Variants in GNAL observed in about 807,000 individuals in gnomAD.
GNAL encodes the protein G protein subunit alpha L.
In GNAL, 18 loss-of-function variants were observed where a neutral mutation model predicts 55.1. The ratio of observed to expected loss-of-function variants is 0.33; its 90% CI spans 0.23 to 0.48. The LOEUF (loss-of-function observed/expected upper bound fraction) is 0.48. GNAL is among the 20% of genes least tolerant of loss of function. GNAL has a pLI of 0.99. For synonymous variants in GNAL, 253 were observed against 237.0 expected, an observed-to-expected ratio of 1.07 and a Z score of -0.62; for missense variants, 412 against 614.1, an observed-to-expected ratio of 0.67 and a Z score of 3.48.
chr18:11,776,277 A>G (rs2033781027), intron 4 of GNAL, among the ~76,000 whole-genome samples: 1 of 152,200 alleles, frequency 6.6e-6, no homozygotes, highest in Non-Finnish European at 1.5e-5. Flanking sequence ...CAAGATTTCA[A>G]CTTGCTTATT....
chr18:11,777,503 A>G (rs1293195330), intron 4 of GNAL, among the ~76,000 whole-genome samples: 1 of 152,236 alleles, frequency 6.6e-6, no homozygotes, highest in African/African-American at 2.4e-5. Flanking sequence ...GCATGTAAAC[A>G]GAGATACATT....
intron 5 of GNAL, among the ~76,000 whole-genome samples, chr18:11,843,213 A>C (rs2035656293): frequency 6.6e-6 from 1 of 151,896 alleles, no homozygotes; most frequent in South Asian, 2.1e-4. Flanking sequence ...AAAAAGAAAA[A>C]AGGGGCTGGG....
At chr18:11,844,551 T>C (rs2035690069) in intron 5 of GNAL, among the ~76,000 whole-genome samples, 1 of 152,224 alleles carries the variant, frequency 6.6e-6, no homozygotes, top group South Asian at 2.1e-4. Flanking sequence ...AATTGAGACA[T>C]GATGCTAAGT....
chr18:11,796,142 G>A (rs558361035), intron 4 of GNAL, among the ~76,000 whole-genome samples: 2 of 152,194 alleles, frequency 1.3e-5, no homozygotes, highest in Admixed American at 1.3e-4. Flanking sequence ...TTACAGAATG[G>A]CATAGTAAGC....
At chr18:11,879,620 T>C (rs1313703097) in intron 11 of GNAL, among the ~76,000 whole-genome samples, 1 of 152,154 alleles carries the variant, frequency 6.6e-6, no homozygotes, top group African/African-American at 2.4e-5. Flanking sequence ...AAAGGCCTTA[T>C]CTCCAAATAT....
At chr18:11,798,601 A>G (rs1194992772) in intron 4 of GNAL, among the ~76,000 whole-genome samples, 1 of 152,176 alleles carries the variant, frequency 6.6e-6, no homozygotes, top group Non-Finnish European at 1.5e-5. Context: ...TTCCTCAAAT[A>G]TGTATGAATT....
At chr18:11,739,271 C>T (rs1261802447) in intron 1 of GNAL, among the ~76,000 whole-genome samples, 5 of 152,210 alleles carry the variant, frequency 3.3e-5, no homozygotes, top group East Asian at 3.8e-4. Context: ...GCCTCTTGTT[C>T]ACATTTCCCT....
Position 11,713,521 on chromosome 18 carries a change from T to A in GNAL, c.376+23582T>A, listed in dbSNP as rs141503595. On this transcript the variant is annotated intron_variant, in intron 1 of 11. Transcript: ENST00000334049. ...TTATTGTTTGGCTTCCTGGAGTGGT[T>A]GCTGTTGTACTGGATACTGTCAATA... 6.6e-4 allele frequency among the ~76,000 whole-genome samples: 100 copies of A among 152,358 alleles called. 1 individual carries two copies. The East Asian group carries it at 0.018, about 28-fold the overall frequency.
At chr18:11,842,161 A>T (rs78511453) in intron 5 of GNAL, among the ~76,000 whole-genome samples, 1 of 150,858 alleles carries the variant, frequency 6.6e-6, no homozygotes, top group Admixed American at 6.6e-5. Context: ...TTTTTTTTTT[A>T]GTAGAGACAG....
Position 11,872,377 on chromosome 18 carries a change from A to C in GNAL, c.1141A>C (p.Asn381His). The change falls in exon 10 of 12, where the codon AAT (asparagine) becomes CAT (histidine). Residue 381 changes from asparagine to histidine, a missense_variant. By Grantham distance (68) the Asn-to-His change is moderately conservative (BLOSUM62 1). Coordinates refer to ENST00000334049, the MANE Select transcript of GNAL (RefSeq NM_182978.4). ...KIEDYFPEYA[N>H]YTVPEDATPD... ...TGAAGACTATTTCCCAGAATATGCAAATTATACTGTTCCTGAAGACGGTAA... is the reference window on the plus strand; with the variant it reads ...TGAAGACTATTTCCCAGAATATGCACATTATACTGTTCCTGAAGACGGTAA... 6.4e-7 allele frequency: 1 copy of C among 1,556,944 alleles called. No individual in the cohort carries two copies. The highest frequency in any genetic ancestry group is 8.7e-7 in the Non-Finnish European group (1 of 1,154,134).
intron 5 of GNAL, among the ~76,000 whole-genome samples, chr18:11,826,702 G>T (rs954867263): frequency 6.6e-6 from 1 of 152,166 alleles, no homozygotes; most frequent in Non-Finnish European, 1.5e-5. Context: ...GGTGAACCAC[G>T]GTGCCATTTA....
chr18:11,875,040 G>A (rs1351907741), intron 10 of GNAL, among the ~76,000 whole-genome samples: 1 of 152,204 alleles, frequency 6.6e-6, no homozygotes, highest in African/African-American at 2.4e-5. Flanking sequence ...ACATGAATGT[G>A]GACTCTTCCG....
chr18:11,724,245 GAC>G (rs2032161966), intron 1 of GNAL, among the ~76,000 whole-genome samples: 1 of 152,154 alleles, frequency 6.6e-6, no homozygotes, highest in Non-Finnish European at 1.5e-5. Context: ...CTCTGGGGGG[GAC>G]CTCAGGAAAC....
chr18:11,745,333 T>G (rs111350889), intron 1 of GNAL, among the ~76,000 whole-genome samples: 16 of 152,312 alleles, frequency 1.1e-4, no homozygotes, highest in East Asian at 5.8e-4. Context: ...CTTACTGCTA[T>G]TGGGGACTTA....
chr18:11,806,852 T>C (rs1480269540), intron 4 of GNAL, among the ~76,000 whole-genome samples: 3 of 152,096 alleles, frequency 2.0e-5, no homozygotes, highest in Non-Finnish European at 1.5e-5. Flanking sequence ...GGTATTCTGT[T>C]CTTGTGTTAG....
chr18:11,812,777 GA>G (rs1422132056), intron 4 of GNAL, among the ~76,000 whole-genome samples: 1 of 152,006 alleles, frequency 6.6e-6, no homozygotes, highest in African/African-American at 2.4e-5. Flanking sequence ...CTGGGAGGCG[GA>G]GGTGTAGTGA....
intron 4 of GNAL, among the ~76,000 whole-genome samples, chr18:11,765,780 G>T (rs1458963897): frequency 1.3e-5 from 2 of 152,056 alleles, no homozygotes; most frequent in Non-Finnish European, 2.9e-5. Context: ...TTGTGTATTT[G>T]TGTACCATTT....
chr18:11,798,004 C>G (rs2034434807), intron 4 of GNAL, among the ~76,000 whole-genome samples: 1 of 152,130 alleles, frequency 6.6e-6, no homozygotes, highest in Non-Finnish European at 1.5e-5. Context: ...AATTAGGTTT[C>G]CTTCAACAAC....
intron 1 of GNAL, among the ~76,000 whole-genome samples, chr18:11,723,486 AT>A (rs1380504346): frequency 6.6e-6 from 1 of 152,256 alleles, no homozygotes; most frequent in Non-Finnish European, 1.5e-5. Context: ...TGAACAAGAT[AT>A]TCATTCTAAA....
Sources: allele counts gnomAD v4.1 joint callset (sites outside exome capture counted in the v4.1 genomes callset), GRCh38; gene constraint gnomAD v4.1.1; transcripts MANE v1.5; gene names NCBI Gene and HGNC (gene_info 2026-07-23, HGNC 2026-07-21).